The following SCD5 variants were observed in gnomAD, a reference collection of about 807,000 sequenced individuals.
SCD5 encodes the protein stearoyl-CoA desaturase 5, also known as acyl-CoA-desaturase 4.
A neutral mutation model predicts 30.4 loss-of-function variants in SCD5; 20 were observed. That is an observed-to-expected ratio of 0.66 (90% CI 0.46 to 0.96). The LOEUF (loss-of-function observed/expected upper bound fraction) is 0.96, where lower values mean the gene tolerates loss of function less well. SCD5 is among the 40% of genes least tolerant of loss of function. The pLI is 0.00. For missense variants in SCD5, 381 were observed against 443.3 expected (o/e 0.86, Z 1.26); for synonymous variants, 173 against 176.4 (o/e 0.98, Z 0.16).
At chr4:82,662,223 A>G (rs1047723034) in intron 3 of SCD5, among the ~76,000 whole-genome samples, 7 of 151,892 alleles carry the variant, frequency 4.6e-5, no homozygotes, top group Admixed American at 3.9e-4. Context: ...TGCTCAGCTA[A>G]TTTTCTTATT....
intron 1 of SCD5, among the ~76,000 whole-genome samples, chr4:82,735,862 C>G (rs1337910642): frequency 2.0e-5 from 3 of 152,146 alleles, no homozygotes; most frequent in African/African-American, 7.2e-5. Flanking sequence ...TCAATTAGCC[C>G]GTGGTTAAAC....
intron 3 of SCD5, among the ~76,000 whole-genome samples, chr4:82,640,974 G>A (rs530053868): frequency 3.3e-5 from 5 of 152,166 alleles, no homozygotes; most frequent in South Asian, 4.1e-4. Flanking sequence ...ACTACACAAC[G>A]CCTTCTAGCT....
intron 3 of SCD5, chr4:82,660,062 A>C (rs961778231): frequency 2.6e-5 from 4 of 152,188 alleles, no homozygotes; most frequent in African/African-American, 9.7e-5. Flanking sequence ...ACAAAGATCA[A>C]AAAAGACAAA....
At chr4:82,725,957 G>A (rs1188830784) in intron 1 of SCD5, among the ~76,000 whole-genome samples, 3 of 152,220 alleles carry the variant, frequency 2.0e-5, no homozygotes, top group African/African-American at 7.2e-5. Flanking sequence ...AACTGACAAG[G>A]TGAGTCATGG....
chr4:82,718,562 C>G (rs1310969455), intron 1 of SCD5, among the ~76,000 whole-genome samples: 2 of 151,658 alleles, frequency 1.3e-5, no homozygotes, highest in African/African-American at 4.9e-5. Flanking sequence ...CTCCCCCCAC[C>G]AAAAAGTTAC....
intron 3 of SCD5, among the ~76,000 whole-genome samples, chr4:82,651,708 G>A (rs1727756101): frequency 6.6e-6 from 1 of 152,174 alleles, no homozygotes; most frequent in Admixed American, 6.5e-5. Flanking sequence ...GAGGTCCGGA[G>A]TTTGAGACCA....
chr4:82,722,839 G>A (rs559233110), intron 1 of SCD5, among the ~76,000 whole-genome samples: 2 of 151,144 alleles, frequency 1.3e-5, no homozygotes, highest in South Asian at 2.1e-4. Flanking sequence ...AGGCCGAGGC[G>A]GACAAATCAC....
chr4:82,776,703 G>A (rs2148850129), intron 1 of SCD5, among the ~76,000 whole-genome samples: 1 of 152,332 alleles, frequency 6.6e-6, no homozygotes, highest in South Asian at 2.1e-4. Flanking sequence ...CTAGAAACCT[G>A]TGGGAGTCTC....
intron 3 of SCD5, among the ~76,000 whole-genome samples, chr4:82,642,425 C>A (rs1340399844): frequency 6.6e-6 from 1 of 152,182 alleles, no homozygotes. Flanking sequence ...ATTGTCCCCT[C>A]AGGATTTGAA....
Position 82,715,647 on chromosome 4 carries a change from CAG to C in SCD5, c.233-10236_233-10235del, listed in dbSNP as rs895740653. ...ATTCTAGAACCTCATACTGACAAGACAGGGGTCATAACTCTGGCTTATACCTC... is the reference window on the plus strand; with the variant it reads ...ATTCTAGAACCTCATACTGACAAGACGGGTCATAACTCTGGCTTATACCTC... On this transcript the variant is annotated intron_variant, in intron 1 of 4. Transcript: ENST00000319540. Among the ~76,000 whole-genome samples the C allele has an allele frequency of 2.8e-5, 4 of 140,440 alleles. No homozygotes were observed. In the Admixed American group the frequency reaches 2.9e-4, roughly 10 times the overall value. 92.1% of individuals were successfully genotyped at this position (140,440 alleles called of 152,430 possible).
At chr4:82,725,157 G>A (rs775559667) in intron 1 of SCD5, among the ~76,000 whole-genome samples, 6 of 152,056 alleles carry the variant, frequency 3.9e-5, no homozygotes, top group South Asian at 2.1e-4. Flanking sequence ...CTATATCCTC[G>A]GAATATTTTG....
intron 2 of SCD5, 141 bp from the exon 3 acceptor site, chr4:82,681,053 A>T: frequency 1.5e-6 from 1 of 665,818 alleles, no homozygotes; most frequent in Admixed American, 2.7e-5. Flanking sequence ...CAGTCCCTCA[A>T]CCTCAAGTTC....
At chr4:82,795,196 C>T (rs1347226209) in intron 1 of SCD5, among the ~76,000 whole-genome samples, 2 of 152,230 alleles carry the variant, frequency 1.3e-5, no homozygotes, top group South Asian at 2.1e-4. Flanking sequence ...CTGCTGGGTG[C>T]ACTGCATAGA....
chr4:82,775,236 T>C (rs1389293770), intron 1 of SCD5, among the ~76,000 whole-genome samples: 6 of 152,214 alleles, frequency 3.9e-5, no homozygotes, highest in Non-Finnish European at 8.8e-5. Context: ...TTCCCTCTCC[T>C]GTTCACTCCT....
chr4:82,634,791 G>A (rs965540829), intron 4 of SCD5, among the ~76,000 whole-genome samples: 2 of 152,208 alleles, frequency 1.3e-5, no homozygotes, highest in African/African-American at 4.8e-5. Flanking sequence ...TCTACTCACA[G>A]AATCAACACT....
chr4:82,693,516 T>C (rs971036875), intron 2 of SCD5, among the ~76,000 whole-genome samples: 13 of 152,172 alleles, frequency 8.5e-5, no homozygotes, highest in Admixed American at 5.9e-4. Context: ...CTCTCTATTG[T>C]AGCCAGAGAG....
chr4:82,694,317 T>C (rs1719641205), intron 2 of SCD5, among the ~76,000 whole-genome samples: 1 of 152,184 alleles, frequency 6.6e-6, no homozygotes, highest in Non-Finnish European at 1.5e-5. Context: ...AGGCATCATG[T>C]TCCCTTCTGC....
chr4:82,648,406 A>G (rs1727674304), intron 3 of SCD5, among the ~76,000 whole-genome samples: 1 of 152,228 alleles, frequency 6.6e-6, no homozygotes, highest in South Asian at 2.1e-4. Flanking sequence ...GTTGGAGTGC[A>G]CAGAGAGGTG....
intron 1 of SCD5, among the ~76,000 whole-genome samples, chr4:82,797,572 A>T (rs1426371816): frequency 6.6e-6 from 1 of 152,006 alleles, no homozygotes; most frequent in Non-Finnish European, 1.5e-5. Flanking sequence ...CCCACTGGCC[A>T]CATGGGAACA....
Sources: allele counts gnomAD v4.1 joint callset (sites outside exome capture counted in the v4.1 genomes callset), GRCh38; gene constraint gnomAD v4.1.1; transcripts MANE v1.5; gene names NCBI Gene and HGNC (gene_info 2026-07-23, HGNC 2026-07-21).